ZNF569: variants seen among roughly 807,000 people sequenced by gnomAD.
ZNF569 encodes the protein DNA-binding protein.
ZNF569 carries 38 observed loss-of-function variants against 56.3 expected under a neutral mutation model. The observed-to-expected ratio is 0.68, with a 90% CI of 0.52 to 0.88. ZNF569 has a LOEUF of 0.88. ZNF569 is among the 40% of genes least tolerant of loss of function. The probability of loss-of-function intolerance (pLI) is 0.00; values close to 1 mark genes in which losing one functional copy is unlikely to be tolerated. For missense variants in ZNF569, 666 were observed against 809.2 expected (o/e 0.82, Z 2.15); for synonymous variants, 241 against 262.9 (o/e 0.92, Z 0.81).
chr19:37,425,076 G>GC lies in ZNF569; in HGVS notation c.238+791dup, dbSNP rs562640997. On this transcript the variant is annotated intron_variant, in intron 5 of 5. Transcript: ENST00000316950. ...GGGGGTTGCAGTGAGCCGAGATCGC[G>GC]CCACTGTACTCCACAGTGACAGAGT... Among the ~76,000 whole-genome samples the GC allele has an allele frequency of 1.5e-4, 23 of 151,906 alleles. No homozygotes were observed. The South Asian group carries it at 4.0e-3, about 26-fold the overall frequency.
Position 37,413,808 on chromosome 19 carries a change from T to C in ZNF569, c.850A>G (p.Asn284Asp). 1 of 1,613,708 alleles carries C rather than the reference T, an allele frequency of 6.2e-7. No individual in the cohort carries two copies. Among genetic ancestry groups the C allele is most frequent in the Non-Finnish European group, 8.5e-7 (1 of 1,179,948 alleles). ...TGAATTTTTTCATGATCAATAAGAT[T>C]TGATTTCTGGCTGAAGGACTTCTCA... The part of the protein sequence containing the change: ...ECEKSFSQKS[N>D]LIDHEKIHTG... The change falls in exon 6 of 6, where the codon AAT becomes GAT. Residue 284 changes from asparagine (N) to aspartate (D), a missense_variant. Asn to Asp is a conservative substitution (Grantham distance 23, BLOSUM62 1). Coordinates refer to ENST00000316950, the MANE Select transcript of ZNF569 (RefSeq NM_152484.3).
intron 2 of ZNF569, among the ~76,000 whole-genome samples, chr19:37,450,801 T>TTATAA (rs527559270): frequency 2.1e-4 from 32 of 152,302 alleles, no homozygotes; most frequent in Non-Finnish European, 3.7e-4. Context: ...TTGCTGCAAC[T>TTATAA]TATAAGTTTT....
At chr19:37,414,788 G>T (rs780757319) in intron 5 of ZNF569, among the ~76,000 whole-genome samples, 4 of 152,042 alleles carry the variant, frequency 2.6e-5, no homozygotes, top group Non-Finnish European at 4.4e-5. Flanking sequence ...CATTTTGCGG[G>T]ACTCTATTAA....
chr19:37,466,100 G>A (rs758041655), intron 1 of ZNF569, among the ~76,000 whole-genome samples: 4 of 152,146 alleles, frequency 2.6e-5, no homozygotes, highest in Non-Finnish European at 5.9e-5. Flanking sequence ...AGGCGGGGGT[G>A]AAAAGATGGA....
chr19:37,422,505 A>G (rs2041054879), intron 5 of ZNF569, among the ~76,000 whole-genome samples: 1 of 152,214 alleles, frequency 6.6e-6, no homozygotes, highest in Admixed American at 6.5e-5. Flanking sequence ...AATGTGACAC[A>G]GACACACACA....
At chr19:37,433,505 A>G (rs1223334105) in intron 3 of ZNF569, among the ~76,000 whole-genome samples, 1 of 152,222 alleles carries the variant, frequency 6.6e-6, no homozygotes, top group Non-Finnish European at 1.5e-5. Flanking sequence ...AGAAGGTTAT[A>G]GAACACCAAG....
chr19:37,435,352 A>G (rs2146915398), intron 3 of ZNF569, among the ~76,000 whole-genome samples: 1 of 152,280 alleles, frequency 6.6e-6, no homozygotes, highest in South Asian at 2.1e-4. Flanking sequence ...CAAGAAATTA[A>G]AACATACCAC....
intron 5 of ZNF569, among the ~76,000 whole-genome samples, chr19:37,423,249 T>C (rs1427318345): frequency 1.3e-5 from 2 of 151,680 alleles, no homozygotes; most frequent in African/African-American, 2.4e-5. Flanking sequence ...AAAGGAAAAA[T>C]GAAAAGAGTT....
At chr19:37,462,691 T>C (rs2041774018) in intron 2 of ZNF569, among the ~76,000 whole-genome samples, 2 of 152,212 alleles carry the variant, frequency 1.3e-5, no homozygotes, top group Non-Finnish European at 2.9e-5. Flanking sequence ...CCCATCAGTC[T>C]CTTTTGCTAA....
intron 3 of ZNF569, among the ~76,000 whole-genome samples, 190 bp downstream of exon 3, chr19:37,444,717 A>C (rs2041465081): frequency 6.6e-6 from 1 of 152,178 alleles, no homozygotes; most frequent in Admixed American, 6.5e-5. Context: ...CCCAGCTTTA[A>C]TCTCTCTGAA....
At chr19:37,426,008 C>T (rs748721517) in intron 4 of ZNF569, 45 bp from the exon 5 acceptor site, 1 of 1,592,014 alleles carries the variant, frequency 6.3e-7, no homozygotes, top group East Asian at 2.2e-5. Flanking sequence ...ATACTAGGAA[C>T]AAAGAACCAC....
At chr19:37,418,511 G>C (rs892427583) in intron 5 of ZNF569, among the ~76,000 whole-genome samples, 28 of 152,130 alleles carry the variant, frequency 1.8e-4, no homozygotes, top group African/African-American at 6.8e-4. Context: ...GGAAGAAGAT[G>C]AAAGGACTAT....
At chr19:37,441,702 G>A (rs1192461569) in intron 3 of ZNF569, among the ~76,000 whole-genome samples, 2 of 152,072 alleles carry the variant, frequency 1.3e-5, no homozygotes, top group Non-Finnish European at 2.9e-5. Flanking sequence ...ATGCTGTGGG[G>A]TTTAGGGGAC....
chr19:37,469,143 C>T (rs2041906446), upstream of ZNF569: 1 of 1,118,040 alleles, frequency 8.9e-7, no homozygotes, highest in East Asian at 6.2e-5. Flanking sequence ...GGAATCCGGA[C>T]TTTCGGGCTC....
intron 2 of ZNF569, among the ~76,000 whole-genome samples, chr19:37,451,684 G>A (rs1335571714): frequency 6.6e-6 from 1 of 152,016 alleles, no homozygotes; most frequent in Non-Finnish European, 1.5e-5. Flanking sequence ...ATTATAAAAT[G>A]TCCTTCCTTG....
chr19:37,411,281 CT>C lies in ZNF569; in HGVS notation c.*1315del, dbSNP rs1437471261. The C allele has an allele frequency of 6.6e-6, 1 of 152,134 alleles. No individual in the cohort carries two copies. The highest frequency in any genetic ancestry group is 2.4e-5 in the African/African-American group (1 of 41,454). 9.4% of individuals were successfully genotyped at this position (152,134 alleles called of 1,614,324 possible). Reference sequence around the variant, plus strand: ...TCCATGACCAATACACAGTACTGTTCTTTGCAAGATCTTATTAAATTATACA... The same window carrying C: ...TCCATGACCAATACACAGTACTGTTCTTGCAAGATCTTATTAAATTATACA... On this transcript the variant is annotated 3_prime_UTR_variant, in exon 6 of 6. Transcript: ENST00000316950.
In ZNF569 at chr19:37,425,923, C is replaced by T; in HGVS notation, c.183G>A (p.Glu61=). Residue 61 remains glutamate, a synonymous_variant, in exon 5 of 6, where the codon GAG becomes GAA. Coordinates refer to ENST00000316950, the MANE Select transcript of ZNF569 (RefSeq NM_152484.3). Reference sequence around the variant, plus strand: ...CCATCACCCATGGTTCTTCTTCTTGCTCCAATTTGAAAATCACATCAGGTT... The same window carrying T: ...CCATCACCCATGGTTCTTCTTCTTGTTCCAATTTGAAAATCACATCAGGTT... ...FTKPDVIFKL[E]QEEEPWVMEE... is the part of the protein sequence containing the mutation. 1 of 1,614,044 alleles carries T rather than the reference C, an allele frequency of 6.2e-7. No individual in the cohort carries two copies. The highest frequency in any genetic ancestry group is 8.5e-7 in the Non-Finnish European group (1 of 1,179,944).
intron 3 of ZNF569, among the ~76,000 whole-genome samples, chr19:37,426,816 T>C (rs1387918041): frequency 6.6e-6 from 1 of 152,140 alleles, no homozygotes; most frequent in Non-Finnish European, 1.5e-5. Context: ...GAAATCCACA[T>C]TGGAAATGAA....
At chr19:37,461,872 T>C (rs1055524615) in intron 2 of ZNF569, among the ~76,000 whole-genome samples, 4 of 152,184 alleles carry the variant, frequency 2.6e-5, no homozygotes, top group Admixed American at 1.3e-4. Context: ...AATCTCCCCC[T>C]AGCCTGTCTG....
Sources: gnomAD v4.1 joint callset for allele counts (sites outside exome capture counted in the v4.1 genomes callset) on GRCh38, gnomAD v4.1.1 for gene constraint, MANE v1.5 for transcripts, NCBI Gene and HGNC (gene_info 2026-07-23, HGNC 2026-07-21) for gene names.